Variants in SLC33A2 observed in about 807,000 individuals in gnomAD.
The protein encoded by SLC33A2 is major facilitator superfamily domain containing 3.
the SLC33A2 span, chr8:144,511,030 G>C: frequency 8.7e-6 from 14 of 1,603,904 alleles, no homozygotes; most frequent in South Asian, 1.5e-4. Context: ...GGAGCTGCTG[G>C]GGAAGCTGCT....
the SLC33A2 span, chr8:144,510,863 G>C: frequency 6.2e-7 from 1 of 1,609,548 alleles, no homozygotes; most frequent in Non-Finnish European, 8.5e-7. Flanking sequence ...ACCTTCACTG[G>C]GATGATGCGC....
At chr8:144,510,065 C>T in the SLC33A2 span, 1 of 1,553,018 alleles carries the variant, frequency 6.4e-7, no homozygotes, top group Non-Finnish European at 8.7e-7. Flanking sequence ...TCCGGGACAG[C>T]TCCAGGTGTG....
the SLC33A2 span, chr8:144,511,014 C>T: frequency 1.3e-5 from 21 of 1,602,230 alleles, no homozygotes; most frequent in South Asian, 7.7e-5. Flanking sequence ...GCCTTCTGGC[C>T]ACGCTGGAGC....
the SLC33A2 span, chr8:144,509,490 A>T: frequency 1.3e-5 from 20 of 1,535,440 alleles, 1 homozygote; most frequent in South Asian, 1.1e-4. Flanking sequence ...GTGGCTGCTC[A>T]AGCTGGCTTG....
chr8:144,510,447 G>T, the SLC33A2 span: 1 of 1,612,882 alleles, frequency 6.2e-7, no homozygotes. Flanking sequence ...AATGGTGTGG[G>T]TGCTGTGGTC....
chr8:144,509,825 G>C, the SLC33A2 span: 54 of 1,538,976 alleles, frequency 3.5e-5, no homozygotes, highest in Non-Finnish European at 3.9e-5. Flanking sequence ...TCTCGTGGCC[G>C]CAACTCTTTC....
At chr8:144,509,588 C>T in the SLC33A2 span, 6 of 1,533,640 alleles carry the variant, frequency 3.9e-6, no homozygotes, top group Admixed American at 2.0e-5. Flanking sequence ...GGCTGCTTGC[C>T]GGGCTGCCCC....
At chr8:144,509,265 A>G in the SLC33A2 span, 1 of 1,390,100 alleles carries the variant, frequency 7.2e-7, no homozygotes, top group Non-Finnish European at 9.4e-7. Flanking sequence ...CCCCACGCGG[A>G]GGGGACCTCG....
chr8:144,511,120 T>C, the SLC33A2 span: 3 of 1,610,584 alleles, frequency 1.9e-6, no homozygotes, highest in Non-Finnish European at 2.5e-6. Context: ...CCTCTCTGCC[T>C]TTCCCGTTCT....
chr8:144,509,565 G>T, the SLC33A2 span: 2 of 1,524,008 alleles, frequency 1.3e-6, no homozygotes, highest in Non-Finnish European at 1.8e-6. Flanking sequence ...GGCGGGCCTG[G>T]GCCTGGTGTG....
At chr8:144,510,969 C>T in the SLC33A2 span, 1 of 1,599,322 alleles carries the variant, frequency 6.3e-7, no homozygotes, top group African/African-American at 1.3e-5. Context: ...CTGACCTTGA[C>T]CGTGACCCCC....
chr8:144,509,974 G>C, the SLC33A2 span: 2 of 1,596,074 alleles, frequency 1.3e-6, no homozygotes, highest in South Asian at 2.2e-5. Flanking sequence ...GCCGTGCCGG[G>C]GACCGTGTGG....
At chr8:144,509,396 C>G in the SLC33A2 span, 1 of 1,526,088 alleles carries the variant, frequency 6.6e-7, no homozygotes, top group Non-Finnish European at 8.7e-7. Flanking sequence ...CCTACGGGCT[C>G]CAGTCCGGCC....
the SLC33A2 span, chr8:144,509,649 C>T: frequency 6.5e-7 from 1 of 1,545,500 alleles, no homozygotes; most frequent in Non-Finnish European, 8.7e-7. Context: ...GGGGTTGCTG[C>T]TGTTGTTGAA....
the SLC33A2 span, chr8:144,510,976 C>T: frequency 6.3e-7 from 1 of 1,599,474 alleles, no homozygotes; most frequent in Non-Finnish European, 8.5e-7. Flanking sequence ...TGACCGTGAC[C>T]CCCACCCCCC....
chr8:144,510,670 C>T, the SLC33A2 span: 1 of 1,560,040 alleles, frequency 6.4e-7, no homozygotes, highest in Non-Finnish European at 8.7e-7. Flanking sequence ...CTGCCTTGGT[C>T]TTCCACCTGG....
At chr8:144,510,414 C>T in the SLC33A2 span, 3 of 1,612,876 alleles carry the variant, frequency 1.9e-6, no homozygotes, top group Non-Finnish European at 2.5e-6. Flanking sequence ...CACGGCGTTT[C>T]TGCTCCCGAG....
At chr8:144,509,749 AGGTGGTCG>A in the SLC33A2 span, 2 of 1,566,438 alleles carry the variant, frequency 1.3e-6, no homozygotes, top group South Asian at 2.3e-5. Flanking sequence ...AATACCGTGC[AGGTGGTCG>A]CGTACAAGCT....
chr8:144,511,077 G>C, the SLC33A2 span: 56 of 1,608,656 alleles, frequency 3.5e-5, no homozygotes, highest in East Asian at 1.1e-3. Context: ...CTGATGGGTT[G>C]GGGCCACATC....
Sources: allele counts gnomAD v4.1 joint callset, GRCh38; gene constraint gnomAD v4.1.1; transcripts MANE v1.5; gene names NCBI Gene and HGNC (gene_info 2026-07-23, HGNC 2026-07-21).